Variants in TTC23L observed in about 807,000 individuals in gnomAD.
The protein encoded by TTC23L is tetratricopeptide repeat domain 23 like.
A neutral mutation model predicts 48.1 loss-of-function variants in TTC23L; 42 were observed. That is an observed-to-expected ratio of 0.87 (90% CI 0.68 to 1.13). The LOEUF is 1.13. Among genes scored for constraint, TTC23L ranks in the 50% most tolerant of loss-of-function variants. The probability of loss-of-function intolerance (pLI) is 0.00; values close to 1 mark genes in which losing one functional copy is unlikely to be tolerated. For synonymous variants in TTC23L, 159 were observed against 157.2 expected (o/e 1.01, Z -0.09); for missense variants, 391 against 421.0 (o/e 0.93, Z 0.62).
the TTC23L span, chr5:34,913,342 G>A: frequency 4.2e-6 from 2 of 480,184 alleles, no homozygotes; most frequent in African/African-American, 3.9e-5. Context: ...TAGAACCCAT[G>A]ACTGTGGCCA....
chr5:34,854,346 A>AT (rs964687526), intron 4 of TTC23L, among the ~76,000 whole-genome samples: 20 of 151,648 alleles, frequency 1.3e-4, no homozygotes, highest in Non-Finnish European at 2.5e-4. Context: ...ACCAGCCTAG[A>AT]TTTTTTTTTA....
chr5:34,881,461 CAT>C lies in TTC23L; in HGVS notation c.1077+1154_1077+1155del, dbSNP rs1374182627. On this transcript the variant is annotated intron_variant, in intron 9 of 10. Coordinates refer to ENST00000505624, the Ensembl canonical transcript of TTC23L. ...GACCTTTGTCTGTCATAAGATCCCA[CAT>C]GACTTTGATCTGACCAAGCCAACTT... 2.0e-5 allele frequency among the ~76,000 whole-genome samples: 3 copies of C among 152,336 alleles called. No individual in the cohort carries two copies. In the East Asian group the frequency reaches 5.8e-4, roughly 29 times the overall value.
At chr5:34,907,369 C>G in the TTC23L span, 1 of 152,162 alleles carries the variant, frequency 6.6e-6, no homozygotes, top group Non-Finnish European at 1.5e-5. Flanking sequence ...AATGGGATGA[C>G]AGGTTTTTAT....
intron 8 of TTC23L, among the ~76,000 whole-genome samples, chr5:34,879,754 T>C (rs1452064923): frequency 6.6e-6 from 1 of 152,136 alleles, no homozygotes; most frequent in African/African-American, 2.4e-5. Context: ...TCCCAGCACT[T>C]TGGGAGGCCG....
chr5:34,874,769 G>A (rs1180297309), intron 8 of TTC23L, among the ~76,000 whole-genome samples: 2 of 151,502 alleles, frequency 1.3e-5, no homozygotes, highest in Admixed American at 6.6e-5. Context: ...AACCACAAAA[G>A]GTAGGAAAAG....
At chr5:34,868,872 G>A (rs1410224231) in intron 7 of TTC23L, 33 bp from the exon 8 acceptor site, 13 of 1,553,786 alleles carry the variant, frequency 8.4e-6, no homozygotes, top group Non-Finnish European at 1.1e-5. Context: ...CTGTCATTGG[G>A]TGCTTACCTT....
At chr5:34,913,430 T>C in the TTC23L span, 93 of 1,206,910 alleles carry the variant, frequency 7.7e-5, no homozygotes, top group Non-Finnish European at 1.0e-4. Context: ...CTGACCACTA[T>C]GTATAACACT....
At chr5:34,878,995 A>G (rs1762042270) in intron 8 of TTC23L, among the ~76,000 whole-genome samples, 3 of 152,234 alleles carry the variant, frequency 2.0e-5, no homozygotes, top group Non-Finnish European at 2.9e-5. Context: ...CATATACACA[A>G]TAGAATACTA....
chr5:34,905,585 T>G, the TTC23L span: 1 of 151,262 alleles, frequency 6.6e-6, no homozygotes, highest in African/African-American at 2.4e-5. Context: ...AATCAACAAA[T>G]GAAAAATGAA....
the TTC23L span, chr5:34,923,302 A>AGAGTCT: frequency 7.9e-7 from 1 of 1,258,186 alleles, no homozygotes; most frequent in Non-Finnish European, 1.1e-6. Flanking sequence ...GTTTTGAGAC[A>AGAGTCT]GAGTCTCGCT....
At chr5:34,845,581 GAGA>G (rs775751384) in exon 3 of TTC23L, 3 of 1,613,988 alleles carry the variant, frequency 1.9e-6, no homozygotes, top group Non-Finnish European at 2.5e-6. Flanking sequence ...TAAAGCTAAA[GAGA>G]AGGAGAAGGC....
intron 3 of TTC23L, 43 bp downstream of exon 3, chr5:34,845,716 T>TG (rs753784569): frequency 6.4e-7 from 1 of 1,556,838 alleles, no homozygotes; most frequent in East Asian, 2.3e-5. Context: ...CATTTAAAAA[T>TG]ATGTTCCTGT....
intron 9 of TTC23L, among the ~76,000 whole-genome samples, chr5:34,887,250 C>A (rs1264320689): frequency 6.6e-6 from 1 of 152,012 alleles, no homozygotes; most frequent in East Asian, 1.9e-4. Flanking sequence ...GTTATAGGAG[C>A]CAGAATAGCT....
At chr5:34,909,968 A>G in the TTC23L span, among the ~76,000 whole-genome samples, 1 of 152,070 alleles carries the variant, frequency 6.6e-6, no homozygotes, top group Non-Finnish European at 1.5e-5. Context: ...TCTGCCTCCC[A>G]TCTTCCAGGT....
intron 4 of TTC23L, among the ~76,000 whole-genome samples, chr5:34,854,923 C>T (rs895343869): frequency 3.9e-5 from 6 of 152,066 alleles, no homozygotes; most frequent in South Asian, 2.1e-4. Context: ...TAATGGGCTT[C>T]GGGAAGGTTG....
At chr5:34,896,223 AG>A (rs917613270) in intron 9 of TTC23L, among the ~76,000 whole-genome samples, 3 of 152,222 alleles carry the variant, frequency 2.0e-5, no homozygotes, top group Admixed American at 2.0e-4. Flanking sequence ...TGCAATCCCC[AG>A]CTACTCTGCC....
chr5:34,896,010 G>A (rs746592475), intron 9 of TTC23L, among the ~76,000 whole-genome samples: 66 of 152,212 alleles, frequency 4.3e-4, no homozygotes, highest in Non-Finnish European at 7.8e-4. Flanking sequence ...TGCTCCACCA[G>A]AGCCAGGTAG....
intron 4 of TTC23L, chr5:34,860,720 C>G (rs1471656081): frequency 6.6e-6 from 1 of 152,108 alleles, no homozygotes; most frequent in Non-Finnish European, 1.5e-5. Context: ...CTCTGGATCA[C>G]TTTTATTTAT....
chr5:34,911,914 C>T, the TTC23L span: 7 of 1,352,944 alleles, frequency 5.2e-6, no homozygotes, highest in Non-Finnish European at 7.1e-6. Flanking sequence ...TTTATTCCGC[C>T]CAATTTCTCA....
Sources: allele counts gnomAD v4.1 joint callset (sites outside exome capture counted in the v4.1 genomes callset), GRCh38; gene constraint gnomAD v4.1.1; transcripts MANE v1.5; gene names NCBI Gene and HGNC (gene_info 2026-07-23, HGNC 2026-07-21).